Variants in ZNF827 observed in about 807,000 individuals in gnomAD.
ZNF827 encodes the protein zinc finger protein 827.
ZNF827 carries 13 observed loss-of-function variants against 102.4 expected under a neutral mutation model. The observed-to-expected ratio is 0.13, with a 90% CI of 0.08 to 0.20. The LOEUF (loss-of-function observed/expected upper bound fraction) is 0.20. Among genes scored for constraint, ZNF827 ranks in the 10% least tolerant of loss-of-function variants. ZNF827 has a pLI of 1.00. For synonymous variants in ZNF827, 523 were observed against 536.2 expected (o/e 0.98, Z 0.34); for missense variants, 1,103 against 1,344.4 (o/e 0.82, Z 2.81).
At chr4:145,878,750 C>T (rs1467688970) in intron 4 of ZNF827, among the ~76,000 whole-genome samples, 6 of 95,858 alleles carry the variant, frequency 6.3e-5, no homozygotes, top group Non-Finnish European at 1.3e-4. Flanking sequence ...GGAGGAAGGG[C>T]GGAAGGAAGG....
intron 1 of ZNF827, among the ~76,000 whole-genome samples, chr4:145,921,908 A>G (rs1561082516): frequency 6.6e-6 from 1 of 152,248 alleles, no homozygotes; most frequent in Non-Finnish European, 1.5e-5. Context: ...AATATGGAGC[A>G]TCTTCACAGA....
chr4:145,926,355 T>G (rs948228541), intron 1 of ZNF827, among the ~76,000 whole-genome samples: 1 of 152,224 alleles, frequency 6.6e-6, no homozygotes, highest in East Asian at 1.9e-4. Flanking sequence ...AACTAATTTC[T>G]CATATGATGA....
intron 7 of ZNF827, among the ~76,000 whole-genome samples, chr4:145,825,965 C>A (rs1026713426): frequency 3.3e-5 from 5 of 152,192 alleles, no homozygotes; most frequent in Non-Finnish European, 7.3e-5. Context: ...ATGTTTCTAT[C>A]GGGCAAAGAA....
intron 1 of ZNF827, among the ~76,000 whole-genome samples, chr4:145,913,386 A>G (rs1478026741): frequency 3.6e-5 from 5 of 139,780 alleles, no homozygotes; most frequent in Non-Finnish European, 7.5e-5. Context: ...CGACTGCACC[A>G]CTGCATTCCA....
chr4:145,839,536 T>A (rs1212344708), intron 7 of ZNF827: 2 of 152,254 alleles, frequency 1.3e-5, no homozygotes, highest in East Asian at 3.8e-4. Context: ...GCTAGTGAAA[T>A]GTGGATGGTC....
chr4:145,824,067 G>A (rs534173719), intron 7 of ZNF827, among the ~76,000 whole-genome samples: 3 of 152,160 alleles, frequency 2.0e-5, no homozygotes, highest in African/African-American at 7.2e-5. Context: ...GGTTCTGATG[G>A]AGTTAAAGTC....
At chr4:145,920,536 G>T (rs1465441593) in intron 1 of ZNF827, among the ~76,000 whole-genome samples, 1 of 152,206 alleles carries the variant, frequency 6.6e-6, no homozygotes, top group East Asian at 1.9e-4. Flanking sequence ...GTCATCTCCA[G>T]GCTACATTCA....
At chr4:145,774,246 G>A (rs563292848) in intron 11 of ZNF827, among the ~76,000 whole-genome samples, 1 of 152,316 alleles carries the variant, frequency 6.6e-6, no homozygotes, top group African/African-American at 2.4e-5. Context: ...GGATCAGGAT[G>A]AGCAACAAGC....
At chr4:145,909,326 A>C (rs1168237753) in intron 1 of ZNF827, among the ~76,000 whole-genome samples, 1 of 152,166 alleles carries the variant, frequency 6.6e-6, no homozygotes, top group Non-Finnish European at 1.5e-5. Flanking sequence ...GCAATAAGGG[A>C]ATTTTCTCAG....
chr4:145,793,186 T>A (rs1054724552), intron 8 of ZNF827, among the ~76,000 whole-genome samples: 1 of 149,248 alleles, frequency 6.7e-6, no homozygotes, highest in African/African-American at 2.5e-5. Context: ...GGCTGAGAAG[T>A]CCCAGCCTGT....
intron 1 of ZNF827, among the ~76,000 whole-genome samples, chr4:145,925,702 C>T (rs138154978): frequency 4.6e-5 from 7 of 152,306 alleles, no homozygotes; most frequent in South Asian, 2.1e-4. Context: ...TAGTGAAAGA[C>T]GTGTTCCCCT....
At chr4:145,864,955 A>G (rs1748049864) in intron 5 of ZNF827, among the ~76,000 whole-genome samples, 1 of 152,230 alleles carries the variant, frequency 6.6e-6, no homozygotes, top group Non-Finnish European at 1.5e-5. Context: ...AGCTTGCTAG[A>G]CCATAATTTT....
chr4:145,886,072 G>A lies in ZNF827; in HGVS notation c.1353C>T (p.His451=), dbSNP rs751333042. Reference sequence around the variant, plus strand: ...TCAGGAAGTGCTGATGGCAACGCATGTGGAGTTTCAGGCTGAAGTGGCGTG... The same window carrying A: ...TCAGGAAGTGCTGATGGCAACGCATATGGAGTTTCAGGCTGAAGTGGCGTG... The part of the protein sequence containing the change: ...TSSRHFSLKL[H]MRCHQHFLRT... The change falls in exon 4 of 15, where the codon CAC becomes CAT. Residue 451 remains histidine (H), a synonymous_variant. Transcript: ENST00000508784. 6.2e-7 allele frequency: 1 copy of A among 1,614,204 alleles called. No individual in the cohort carries two copies. Among genetic ancestry groups the A allele is most frequent in the Admixed American group, 1.7e-5 (1 of 60,034 alleles).
chr4:145,906,304 A>G (rs1404573939), intron 1 of ZNF827, among the ~76,000 whole-genome samples: 2 of 152,186 alleles, frequency 1.3e-5, no homozygotes, highest in Non-Finnish European at 2.9e-5. Context: ...TGAATCAGAA[A>G]TCAGCAAGGG....
intron 1 of ZNF827, among the ~76,000 whole-genome samples, chr4:145,930,855 G>C (rs540613342): frequency 4.6e-5 from 7 of 152,184 alleles, no homozygotes; most frequent in African/African-American, 1.7e-4. Flanking sequence ...GTGTGTGTGC[G>C]CGCGCATGTG....
chr4:145,788,567 A>G (rs1225781643), intron 8 of ZNF827, among the ~76,000 whole-genome samples: 1 of 152,242 alleles, frequency 6.6e-6, no homozygotes, highest in Non-Finnish European at 1.5e-5. Flanking sequence ...GGGATCCTCT[A>G]TAAAACCTTA....
At chr4:145,891,076 C>T (rs1219343321) in intron 3 of ZNF827, among the ~76,000 whole-genome samples, 1 of 152,182 alleles carries the variant, frequency 6.6e-6, no homozygotes, top group Non-Finnish European at 1.5e-5. Context: ...CATTATACTT[C>T]TTATGGTAGG....
intron 11 of ZNF827, among the ~76,000 whole-genome samples, chr4:145,769,450 A>T (rs961411351): frequency 1.3e-5 from 2 of 152,236 alleles, no homozygotes; most frequent in African/African-American, 2.4e-5. Flanking sequence ...GAATTAAAAC[A>T]TATTAATTTC....
At chr4:145,823,590 G>C in intron 7 of ZNF827, 65 bp from the exon 8 acceptor site, 2 of 1,073,784 alleles carry the variant, frequency 1.9e-6, no homozygotes, top group South Asian at 2.5e-5. Flanking sequence ...CAGAGCACCT[G>C]GTCCCAAATA....
Sources: allele counts gnomAD v4.1 joint callset (sites outside exome capture counted in the v4.1 genomes callset), GRCh38; gene constraint gnomAD v4.1.1; transcripts MANE v1.5; gene names NCBI Gene and HGNC (gene_info 2026-07-23, HGNC 2026-07-21).